Variants in LAMB1 observed in about 807,000 individuals in gnomAD.
The protein encoded by LAMB1 is laminin subunit beta-1.
LAMB1 carries 121 observed loss-of-function variants against 222.3 expected under a neutral mutation model. The ratio of observed to expected loss-of-function variants is 0.54; its 90% CI spans 0.47 to 0.63. The LOEUF is 0.63. Ranked by LOEUF, LAMB1 falls within the 30% of genes least tolerant of loss-of-function variation. The pLI is 0.00. For missense variants in LAMB1, 2,172 were observed against 2,240.8 expected (o/e 0.97, Z 0.62); for synonymous variants, 794 against 807.2 (o/e 0.98, Z 0.28).
At chr7:107,963,932 C>A (rs2033568320) in intron 14 of LAMB1, among the ~76,000 whole-genome samples, 1 of 152,180 alleles carries the variant, frequency 6.6e-6, no homozygotes, top group Non-Finnish European at 1.5e-5. Context: ...AACCCCATCC[C>A]TACTAAAAAT....
intron 27 of LAMB1, among the ~76,000 whole-genome samples, chr7:107,933,894 C>G (rs552312112): frequency 1.5e-4 from 23 of 152,260 alleles, no homozygotes; most frequent in Non-Finnish European, 2.2e-4. Context: ...ATCTCCCTGC[C>G]GCCCACGGAG....
chr7:107,964,182 A>G (rs1009084758), intron 14 of LAMB1, among the ~76,000 whole-genome samples: 1 of 152,234 alleles, frequency 6.6e-6, no homozygotes, highest in Non-Finnish European at 1.5e-5. Flanking sequence ...CCAGCTCAAG[A>G]GCCAGGCATA....
intron 12 of LAMB1, among the ~76,000 whole-genome samples, chr7:107,974,324 A>C (rs1168740602): frequency 1.3e-5 from 2 of 150,826 alleles, no homozygotes; most frequent in Non-Finnish European, 3.0e-5. Context: ...TTTATTTCCT[A>C]CTTAATCAAG....
At chr7:107,957,540 C>T (rs1220955570) in intron 20 of LAMB1, among the ~76,000 whole-genome samples, 1 of 152,216 alleles carries the variant, frequency 6.6e-6, no homozygotes, top group African/African-American at 2.4e-5. Flanking sequence ...AAGAGCAAAA[C>T]TCCGTCTCAA....
At chr7:107,972,899 T>C (rs2033776935) in intron 13 of LAMB1, 93 bp downstream of exon 13, 1 of 993,620 alleles carries the variant, frequency 1.0e-6, no homozygotes, top group Admixed American at 1.7e-5. Context: ...ATTTTGCATG[T>C]CTTTTTGAGA....
At chr7:108,000,459 A>G (rs1411287282) in intron 3 of LAMB1, among the ~76,000 whole-genome samples, 1 of 152,198 alleles carries the variant, frequency 6.6e-6, no homozygotes, top group African/African-American at 2.4e-5. Flanking sequence ...TGGGCTGACC[A>G]TGTTCTGAGC....
At chr7:107,985,803 C>T (rs1386205329) in intron 7 of LAMB1, among the ~76,000 whole-genome samples, 1 of 150,168 alleles carries the variant, frequency 6.7e-6, no homozygotes, top group Non-Finnish European at 1.5e-5. Flanking sequence ...ACTAAAAATA[C>T]AAAATTAGCT....
intron 29 of LAMB1, 118 bp from the exon 30 acceptor site, chr7:107,929,737 C>A: frequency 1.3e-6 from 1 of 752,848 alleles, no homozygotes; most frequent in Admixed American, 2.4e-5. Flanking sequence ...CCAAGAGACA[C>A]TAACTTCCTG....
At chr7:107,924,643 T>C (rs2032516943) in intron 32 of LAMB1, among the ~76,000 whole-genome samples, 1 of 152,220 alleles carries the variant, frequency 6.6e-6, no homozygotes, top group Non-Finnish European at 1.5e-5. Context: ...GATTATTACT[T>C]TTCTATAGAA....
At chr7:107,924,205 A>G (rs2116300719) in intron 33 of LAMB1, 25 bp downstream of exon 33, 2 of 1,577,638 alleles carry the variant, frequency 1.3e-6, no homozygotes, top group Middle Eastern at 1.7e-4. Context: ...TAATTTAAAA[A>G]ATAAGCCTGT....
At chr7:107,970,546 T>C (rs180895444) in intron 13 of LAMB1, among the ~76,000 whole-genome samples, 102 of 151,440 alleles carry the variant, frequency 6.7e-4, no homozygotes, top group Non-Finnish European at 1.1e-3. Flanking sequence ...AACTCTACAT[T>C]TCATTGTTAA....
rs959625221 is a variant in LAMB1, at chr7:107,931,930, A to G, written c.4392+244T>C. ...AGATGGCTATCTCAAATTATCCAGT[A>G]TAAGATTTAAACATCTTGCTCTAAA... On this transcript the variant is annotated intron_variant, in intron 28 of 33. Coordinates refer to ENST00000222399, the MANE Select transcript of LAMB1 (RefSeq NM_002291.3). Among the ~76,000 whole-genome samples the G allele has an allele frequency of 2.6e-5, 4 of 152,362 alleles. No homozygotes were observed. In the East Asian group the frequency reaches 7.7e-4, roughly 29 times the overall value.
At chr7:107,975,451 G>A (rs1420683888) in intron 10 of LAMB1, 38 bp from the exon 11 acceptor site, 3 of 1,546,936 alleles carry the variant, frequency 1.9e-6, no homozygotes, top group South Asian at 1.2e-5. Context: ...AAATCAGGAG[G>A]AAACTCAATG....
At chr7:107,982,543 G>A (rs959560180) in intron 7 of LAMB1, among the ~76,000 whole-genome samples, 3 of 152,146 alleles carry the variant, frequency 2.0e-5, no homozygotes, top group Non-Finnish European at 2.9e-5. Flanking sequence ...AGTTATGAAC[G>A]CCAACATTTT....
intron 24 of LAMB1, chr7:107,942,708 A>T (rs1255626555): frequency 1.3e-5 from 2 of 152,232 alleles, no homozygotes; most frequent in Non-Finnish European, 2.9e-5. Flanking sequence ...GGTCTATAGC[A>T]AGCATTCAAT....
intron 14 of LAMB1, 77 bp downstream of exon 14, chr7:107,964,475 G>A (rs889101327): frequency 6.5e-6 from 10 of 1,538,320 alleles, no homozygotes; most frequent in Non-Finnish European, 8.9e-6. Flanking sequence ...TCTGAAATGG[G>A]GTCTTTACAA....
chr7:107,964,294 GAA>G (rs1271087748), intron 14 of LAMB1, among the ~76,000 whole-genome samples: 1 of 152,174 alleles, frequency 6.6e-6, no homozygotes, highest in Non-Finnish European at 1.5e-5. Context: ...GTAGAGAGAA[GAA>G]AAGTTTCTTG....
chr7:107,990,444 A>G (rs915420150), intron 5 of LAMB1, among the ~76,000 whole-genome samples: 2 of 152,186 alleles, frequency 1.3e-5, no homozygotes, highest in Non-Finnish European at 2.9e-5. Flanking sequence ...AGCCATCTCT[A>G]TGGCGAACTT....
chr7:107,997,359 G>A (rs1055831810), intron 4 of LAMB1, among the ~76,000 whole-genome samples: 2 of 152,190 alleles, frequency 1.3e-5, no homozygotes, highest in Non-Finnish European at 2.9e-5. Flanking sequence ...GGACGTGGAG[G>A]TTGCAGTAAG....
Sources: gnomAD v4.1 joint callset for allele counts (sites outside exome capture counted in the v4.1 genomes callset) on GRCh38, gnomAD v4.1.1 for gene constraint, MANE v1.5 for transcripts, NCBI Gene and HGNC (gene_info 2026-07-23, HGNC 2026-07-21) for gene names.